The following PRKG2 variants were observed in gnomAD, a reference collection of about 807,000 sequenced individuals.
PRKG2 encodes the protein cGMP-dependent protein kinase 2.
Under a neutral mutation model 97.2 loss-of-function variants are expected in PRKG2, and 33 were observed. The observed-to-expected ratio is 0.34, with a 90% CI of 0.26 to 0.45. PRKG2 has a LOEUF of 0.45. PRKG2 is among the 20% of genes least tolerant of loss of function. The pLI is 1.00. For synonymous variants in PRKG2, 330 were observed against 321.8 expected (o/e 1.03, Z -0.27); for missense variants, 638 against 900.0 (o/e 0.71, Z 3.73).
intron 8 of PRKG2, among the ~76,000 whole-genome samples, chr4:81,150,291 A>G (rs531653026): frequency 2.0e-5 from 3 of 152,172 alleles, no homozygotes; most frequent in Non-Finnish European, 4.4e-5. Context: ...TTTTACAAGT[A>G]TTAGATGTAT....
chr4:81,213,795 T>C (rs1754128321), intron 1 of PRKG2, among the ~76,000 whole-genome samples: 1 of 152,170 alleles, frequency 6.6e-6, no homozygotes, highest in East Asian at 1.9e-4. Flanking sequence ...GCCTTCACTG[T>C]GAGGTGAATT....
chr4:81,143,058 T>G (rs938257914), intron 10 of PRKG2, 111 bp from the exon 11 acceptor site: 29 of 1,322,388 alleles, frequency 2.2e-5, no homozygotes, highest in Non-Finnish European at 2.6e-5. Context: ...AACTATGATT[T>G]ATAGTTGCCA....
intron 6 of PRKG2, among the ~76,000 whole-genome samples, chr4:81,158,549 TC>T (rs1749314921): frequency 6.6e-6 from 1 of 152,040 alleles, no homozygotes; most frequent in Non-Finnish European, 1.5e-5. Flanking sequence ...TTCAATGCCA[TC>T]CCCATCAAGC....
chr4:81,123,376 C>T (rs1745246283), intron 14 of PRKG2, among the ~76,000 whole-genome samples: 1 of 152,172 alleles, frequency 6.6e-6, no homozygotes, highest in Admixed American at 6.5e-5. Context: ...AGCATATCTC[C>T]TGTAAACATC....
rs1301770630 is a variant in PRKG2 at position 81,204,785 on chromosome 4, A to G, written c.263T>C (p.Met88Thr). ...GGCCTGAAGCGGGCTTCCTCCCTGC[A>G]TATGCACCACATCCTGCAGCTTGTT... ...QLNKLQDVVH[M>T]QGGSPLQASP... is the part of the protein sequence containing the mutation. The change falls in exon 2 of 19, where the codon ATG becomes ACG. Residue 88 changes from methionine (M) to threonine (T), a missense_variant. Around this residue, in one of 3 missense-constraint regions of PRKG2, gnomAD observed 332 missense variants for 421.7 expected, o/e 0.79. Coordinates refer to ENST00000264399, the MANE Select transcript of PRKG2 (RefSeq NM_006259.3). 1.9e-6 allele frequency: 3 copies of G among 1,614,030 alleles called. No individual in the cohort carries two copies. The highest frequency in any genetic ancestry group is 1.1e-5 in the South Asian group (1 of 91,084).
chr4:81,214,127 G>A (rs766164000), intron 1 of PRKG2, among the ~76,000 whole-genome samples: 1 of 149,786 alleles, frequency 6.7e-6, no homozygotes, highest in South Asian at 2.1e-4. Context: ...GGTGGGGTGG[G>A]GGCAGGTGTA....
rs773438708 is a variant in PRKG2, at chr4:81,087,827, G to A, written c.*1881C>T. 6.6e-5 allele frequency: 10 copies of A among 152,036 alleles called. No individual in the cohort carries two copies. The highest frequency in any genetic ancestry group is 1.2e-4 in the Non-Finnish European group (8 of 67,966). 9.4% of individuals were successfully genotyped at this position (152,036 alleles called of 1,614,324 possible). A position where few individuals can be genotyped will look rare whatever the true frequency, so the allele number is the denominator to read the frequency against. On this transcript the variant is annotated 3_prime_UTR_variant, in exon 19 of 19. Transcript: ENST00000264399. ...TAACACATTGACATGGTCAATCACA[G>A]GAAAAATAAACCTGTAGTACTCTAA...
intron 15 of PRKG2, 129 bp from the exon 16 acceptor site, chr4:81,106,064 T>A (rs1743301839): frequency 8.0e-6 from 9 of 1,124,048 alleles, no homozygotes; most frequent in Non-Finnish European, 1.1e-5. Context: ...GTCTCAGTTG[T>A]TTTACAACAA....
chr4:81,207,361 A>G (rs1301468563), intron 1 of PRKG2, among the ~76,000 whole-genome samples: 1 of 152,228 alleles, frequency 6.6e-6, no homozygotes, highest in Non-Finnish European at 1.5e-5. Flanking sequence ...GATTTGCCTT[A>G]TAAATAAAAA....
intron 8 of PRKG2, among the ~76,000 whole-genome samples, chr4:81,150,419 G>T (rs1307377119): frequency 6.6e-6 from 1 of 152,136 alleles, no homozygotes; most frequent in Non-Finnish European, 1.5e-5. Flanking sequence ...GAAATATACA[G>T]AATATAAGGA....
chr4:81,101,526 T>A (rs1020955995), intron 17 of PRKG2, among the ~76,000 whole-genome samples: 1 of 125,524 alleles, frequency 8.0e-6, no homozygotes, highest in African/African-American at 3.1e-5. Flanking sequence ...TGAGAACACA[T>A]GGACCCAGGA....
Position 81,154,109 on chromosome 4 carries a change from G to T in PRKG2, c.913-388C>A, listed in dbSNP as rs1252037295. 3 of 172,772 alleles carry T rather than the reference G, an allele frequency of 1.7e-5. No individual in the cohort carries two copies. In the Admixed American group the frequency reaches 1.8e-4, roughly 10 times the overall value. 10.7% of individuals were successfully genotyped at this position (172,772 alleles called of 1,614,324 possible). ...GAGATTATATCCCCGCACCTGGCTCGGAGGGTCCTACGCCCACGGAGTCTT... is the reference window on the plus strand; with the variant it reads ...GAGATTATATCCCCGCACCTGGCTCTGAGGGTCCTACGCCCACGGAGTCTT... On this transcript the variant is annotated intron_variant, in intron 6 of 18. Transcript: ENST00000264399.
chr4:81,208,851 A>G (rs1347526651), intron 1 of PRKG2, among the ~76,000 whole-genome samples: 1 of 152,230 alleles, frequency 6.6e-6, no homozygotes, highest in East Asian at 1.9e-4. Context: ...AGACAAAAAA[A>G]GAATTATGAA....
intron 1 of PRKG2, among the ~76,000 whole-genome samples, chr4:81,212,385 G>T (rs1754027817): frequency 7.1e-6 from 1 of 141,772 alleles, no homozygotes; most frequent in Admixed American, 7.7e-5. Flanking sequence ...TACATTAACA[G>T]ATAAACAAGC....
At chr4:81,153,608 A>G (rs751280460) in intron 7 of PRKG2, 36 bp downstream of exon 7, 1 of 1,481,070 alleles carries the variant, frequency 6.8e-7, no homozygotes, top group Non-Finnish European at 9.4e-7. Context: ...ATTTAAAATA[A>G]TCTTTTTTAT....
At chr4:81,147,223 C>T (rs1747942769) in intron 9 of PRKG2, among the ~76,000 whole-genome samples, 1 of 152,072 alleles carries the variant, frequency 6.6e-6, no homozygotes, top group Non-Finnish European at 1.5e-5. Context: ...TATGTGATTA[C>T]AATGAAGAAA....
chr4:81,123,873 A>T (rs1254553717), intron 14 of PRKG2, among the ~76,000 whole-genome samples: 1 of 152,206 alleles, frequency 6.6e-6, no homozygotes, highest in South Asian at 2.1e-4. Flanking sequence ...TTTCTCAAAA[A>T]AAGAATTTGA....
upstream of PRKG2, among the ~76,000 whole-genome samples, chr4:81,216,416 AAAAGAGAAAAT>A (rs1362634344): frequency 6.6e-6 from 1 of 152,130 alleles, no homozygotes; most frequent in African/African-American, 2.4e-5. Flanking sequence ...ATTCCACAAG[AAAAGAGAAAAT>A]AAGTAATTGT....
chr4:81,090,483 A>G (rs1741431402), intron 18 of PRKG2, among the ~76,000 whole-genome samples: 1 of 152,144 alleles, frequency 6.6e-6, no homozygotes, highest in Non-Finnish European at 1.5e-5. Flanking sequence ...TGAAATTTTT[A>G]TGGTTAATTG....
Sources: gnomAD v4.1 joint callset for allele counts (sites outside exome capture counted in the v4.1 genomes callset) on GRCh38, gnomAD v4.1.1 for gene constraint, gnomAD v4.1.1 regional missense constraint, MANE v1.5 for transcripts, NCBI Gene and HGNC (gene_info 2026-07-23, HGNC 2026-07-21) for gene names.